Variants in MYRIP observed in about 807,000 individuals in gnomAD.
MYRIP encodes the protein myosin VIIA and Rab interacting protein, also known as rab effector MyRIP.
A neutral mutation model predicts 98.0 loss-of-function variants in MYRIP; 49 were observed. The ratio of observed to expected loss-of-function variants is 0.50; its 90% CI spans 0.40 to 0.63. The LOEUF is 0.63. MYRIP is among the 30% of genes least tolerant of loss of function. MYRIP has a pLI of 0.00. For missense variants in MYRIP, 1,004 were observed against 1,058.2 expected (o/e 0.95, Z 0.71); for synonymous variants, 404 against 409.5 (o/e 0.99, Z 0.16).
rs936180007 is a variant in MYRIP at position 40,005,086 on chromosome 3, G to A, written c.111-38964G>A. 2.0e-5 allele frequency among the ~76,000 whole-genome samples: 3 copies of A among 152,306 alleles called. No homozygotes were observed. In the South Asian group the frequency reaches 6.2e-4, roughly 32 times the overall value. Reference sequence around the variant, plus strand: ...AATAATGGCCTCCAGCTGCATCCAGGTTGCTGCAAAGGAAGTGATTTAATT... The same window carrying A: ...AATAATGGCCTCCAGCTGCATCCAGATTGCTGCAAAGGAAGTGATTTAATT... On this transcript the variant is annotated intron_variant, in intron 2 of 16. Coordinates refer to ENST00000302541, the MANE Select transcript of MYRIP (RefSeq NM_015460.4).
chr3:40,010,780 G>C (rs1946745039), intron 2 of MYRIP, among the ~76,000 whole-genome samples: 1 of 152,110 alleles, frequency 6.6e-6, no homozygotes. Flanking sequence ...TAGGATGCCT[G>C]GTCCTGGTTC....
intron 11 of MYRIP, among the ~76,000 whole-genome samples, chr3:40,210,699 G>T (rs990871817): frequency 2.6e-5 from 4 of 152,030 alleles, no homozygotes; most frequent in Admixed American, 1.3e-4. Flanking sequence ...AGCCCTAACC[G>T]CTTGATTTTC....
At chr3:39,929,207 A>T (rs1172460303) in intron 2 of MYRIP, among the ~76,000 whole-genome samples, 1 of 152,074 alleles carries the variant, frequency 6.6e-6, no homozygotes, top group Admixed American at 6.6e-5. Context: ...AGCAAAACAG[A>T]TACCAGACTT....
chr3:40,221,622 C>G (rs1952339738), intron 11 of MYRIP, among the ~76,000 whole-genome samples: 1 of 152,100 alleles, frequency 6.6e-6, no homozygotes, highest in South Asian at 2.1e-4. Flanking sequence ...TAAAGTGAGA[C>G]TCTGTATCAA....
At chr3:40,216,842 G>T (rs148536998) in intron 11 of MYRIP, among the ~76,000 whole-genome samples, 2,499 of 152,162 alleles carry the variant, frequency 0.016, 17 homozygotes, top group East Asian at 0.031. Context: ...AAAACACTAT[G>T]AACATCACAT....
At chr3:40,231,210 G>C (rs565235932) in intron 11 of MYRIP, among the ~76,000 whole-genome samples, 2 of 152,352 alleles carry the variant, frequency 1.3e-5, no homozygotes, top group South Asian at 4.1e-4. Flanking sequence ...TCCAGGTGAA[G>C]CTGTGGCGCT....
rs189514848 is a variant in MYRIP, at chr3:39,929,326, A to G, written c.110+28400A>G. ...TCAATTCTACCCAAATTGATATGTAAATATAATGCAATTCCTATCAAAATC... is the reference window on the plus strand; with the variant it reads ...TCAATTCTACCCAAATTGATATGTAGATATAATGCAATTCCTATCAAAATC... On this transcript the variant is annotated intron_variant, in intron 2 of 16. Coordinates refer to ENST00000302541, the MANE Select transcript of MYRIP (RefSeq NM_015460.4). 2.5e-3 allele frequency among the ~76,000 whole-genome samples: 384 copies of G among 152,176 alleles called. 3 individuals carry two copies. The highest frequency in any genetic ancestry group is 8.7e-3 in the African/African-American group (362 of 41,576).
At chr3:40,024,711 C>T (rs1947083735) in intron 2 of MYRIP, among the ~76,000 whole-genome samples, 3 of 152,096 alleles carry the variant, frequency 2.0e-5, no homozygotes, top group African/African-American at 7.2e-5. Flanking sequence ...CAAGAAAATA[C>T]TTGTAATGCT....
intron 3 of MYRIP, among the ~76,000 whole-genome samples, chr3:40,067,191 A>G (rs1948142065): frequency 6.6e-6 from 1 of 152,220 alleles, no homozygotes; most frequent in Admixed American, 6.5e-5. Context: ...TAGGCTTCCC[A>G]GAAGAGAACT....
intron 1 of MYRIP, 73 bp from the exon 2 acceptor site, chr3:39,900,714 A>G: frequency 1.2e-6 from 1 of 808,484 alleles, no homozygotes; most frequent in Non-Finnish European, 2.0e-6. Flanking sequence ...ATTTAACTCT[A>G]TTTTAATAAC....
chr3:39,927,657 C>A (rs1458969716), intron 2 of MYRIP, among the ~76,000 whole-genome samples: 1 of 152,054 alleles, frequency 6.6e-6, no homozygotes, highest in Non-Finnish European at 1.5e-5. Flanking sequence ...TTCCAAAAAA[C>A]CAAGGAGAAG....
intron 5 of MYRIP, among the ~76,000 whole-genome samples, chr3:40,164,085 G>T (rs148156355): frequency 6.6e-6 from 1 of 152,050 alleles, no homozygotes; most frequent in African/African-American, 2.4e-5. Flanking sequence ...ACCCCAACTT[G>T]TCCTAGTCAA....
chr3:40,021,709 C>A (rs1248410205), intron 2 of MYRIP, among the ~76,000 whole-genome samples: 2 of 152,170 alleles, frequency 1.3e-5, no homozygotes, highest in Admixed American at 6.5e-5. Flanking sequence ...TTTTGACCAA[C>A]TCTGGAGGAG....
chr3:39,936,999 G>A (rs1204850234), intron 2 of MYRIP, among the ~76,000 whole-genome samples: 1 of 152,130 alleles, frequency 6.6e-6, no homozygotes, highest in East Asian at 1.9e-4. Flanking sequence ...CCATGAGGTA[G>A]GTCACTGATC....
At chr3:40,131,003 C>T (rs1949626890) in intron 3 of MYRIP, among the ~76,000 whole-genome samples, 1 of 152,118 alleles carries the variant, frequency 6.6e-6, no homozygotes, top group Non-Finnish European at 1.5e-5. Flanking sequence ...CTAGACTTGG[C>T]ACTGCAAAAT....
chr3:39,999,216 G>T (rs1946450921), intron 2 of MYRIP, among the ~76,000 whole-genome samples: 2 of 152,182 alleles, frequency 1.3e-5, no homozygotes, highest in South Asian at 4.1e-4. Flanking sequence ...CACAGCAAAA[G>T]AAACTACCAT....
rs575741152 is a variant in MYRIP, at chr3:40,142,895, C to T, written c.333-8153C>T. 5.3e-5 allele frequency among the ~76,000 whole-genome samples: 8 copies of T among 152,332 alleles called. No individual in the cohort carries two copies. The East Asian group carries it at 1.5e-3, about 29-fold the overall frequency. On this transcript the variant is annotated intron_variant, in intron 3 of 16. Transcript: ENST00000302541. ...CTTTCTTCCTAAGCCACCTCTCGTA[C>T]ACACCTACTGAGGCTTAGAAGCTGC...
In MYRIP at chr3:40,169,808, G is replaced by A. The variant is rs140231484; in HGVS notation, c.730-142G>A. 237 of 879,364 alleles carry A rather than the reference G, an allele frequency of 2.7e-4. No individual in the cohort carries two copies. In the Admixed American group the frequency reaches 2.9e-3, roughly 11 times the overall value. The allele number at this position is 879,364 out of a possible 1,614,324, so 54.5% of individuals were successfully genotyped here. A position where few individuals can be genotyped will look rare whatever the true frequency, so the allele number is the denominator to read the frequency against. On this transcript the variant is annotated intron_variant, in intron 7 of 16. Transcript: ENST00000302541. ...TATAATTGTGCTGGTTTCTCATAGC[G>A]CAGATCTGAAACAGCCTGGTGTTCT...
At chr3:39,949,504 GTC>G (rs1481187233) in intron 2 of MYRIP, among the ~76,000 whole-genome samples, 2 of 152,106 alleles carry the variant, frequency 1.3e-5, no homozygotes, top group African/African-American at 4.8e-5. Flanking sequence ...ACTAAAAAAA[GTC>G]TGAGAAACAT....
Sources: allele counts gnomAD v4.1 joint callset (sites outside exome capture counted in the v4.1 genomes callset), GRCh38; gene constraint gnomAD v4.1.1; transcripts MANE v1.5; gene names NCBI Gene and HGNC (gene_info 2026-07-23, HGNC 2026-07-21).